The following SYNE2 variants were observed in gnomAD, a reference collection of about 807,000 sequenced individuals.
SYNE2 encodes spectrin repeat containing nuclear envelope protein 2.
In SYNE2, 431 loss-of-function variants were observed where a neutral mutation model predicts 856.3. The ratio of observed to expected loss-of-function variants is 0.50; its 90% CI spans 0.47 to 0.55. The LOEUF (loss-of-function observed/expected upper bound fraction) is 0.55. Among genes scored for constraint, SYNE2 ranks in the 20% least tolerant of loss-of-function variants. SYNE2 has a pLI of 0.00. For synonymous variants in SYNE2, 2,923 were observed against 2,872.3 expected, an observed-to-expected ratio of 1.02 and a Z score of -0.56; for missense variants, 8,129 against 8,023.2, an observed-to-expected ratio of 1.01 and a Z score of -0.50.
intron 1 of SYNE2, among the ~76,000 whole-genome samples, chr14:63,814,422 A>G (rs1360948578): frequency 1.4e-5 from 2 of 146,442 alleles, no homozygotes; most frequent in Non-Finnish European, 3.0e-5. Context: ...TATATAATAT[A>G]TATCCTTATA....
At chr14:64,068,307 C>T (rs752097213) in intron 51 of SYNE2, among the ~76,000 whole-genome samples, 9 of 152,118 alleles carry the variant, frequency 5.9e-5, no homozygotes, top group Non-Finnish European at 1.3e-4. Context: ...AACCTCCAGC[C>T]CCTGGAACCA....
chr14:63,974,532 A>G (rs1170331476), intron 11 of SYNE2, among the ~76,000 whole-genome samples: 1 of 151,844 alleles, frequency 6.6e-6, no homozygotes, highest in African/African-American at 2.4e-5. Flanking sequence ...AAACATTCAA[A>G]CTGTACAGCA....
chr14:63,952,577 G>C (rs1032199390), intron 7 of SYNE2, among the ~76,000 whole-genome samples: 1 of 152,154 alleles, frequency 6.6e-6, no homozygotes, highest in Non-Finnish European at 1.5e-5. Flanking sequence ...TGGTGACTTT[G>C]AACACTTAAT....
intron 74 of SYNE2, 100 bp from the exon 75 acceptor site, chr14:64,129,682 C>A: frequency 1.9e-6 from 3 of 1,547,566 alleles, no homozygotes; most frequent in South Asian, 2.4e-5. Flanking sequence ...TTTGCTTTTC[C>A]CTTCATCCCT....
chr14:64,104,786 G>C (rs565047377), intron 64 of SYNE2, among the ~76,000 whole-genome samples: 1 of 152,224 alleles, frequency 6.6e-6, no homozygotes, highest in East Asian at 1.9e-4. Flanking sequence ...TATTTCCTCT[G>C]AGAGCTTGTG....
At position 64,113,531 on chromosome 14, in the gene SYNE2, A is replaced by T. The variant is rs747854582; in HGVS notation, c.12800A>T (p.Asp4267Val). ...VAVEPETLNA[D>V]MQQVLEQQLV... is the part of the protein sequence containing the mutation. ...GTTGAGCCGGAAACATTAAACGCAG[A>T]CATGCAGCAGGTGCTGGAACAGCAG... The change falls in exon 66 of 116, where the codon GAC becomes GTC. Residue 4267 changes from aspartate (D) to valine (V), a missense_variant. Coordinates refer to ENST00000555002, the MANE Select transcript of SYNE2 (RefSeq NM_182914.3). The T allele has an allele frequency of 6.2e-7, 1 of 1,613,322 alleles. No individual in the cohort carries two copies. Among genetic ancestry groups the T allele is most frequent in the Non-Finnish European group, 8.5e-7 (1 of 1,179,602 alleles).
intron 1 of SYNE2, among the ~76,000 whole-genome samples, chr14:63,789,129 A>AAT (rs1480998854): frequency 6.6e-6 from 1 of 152,188 alleles, no homozygotes; most frequent in Non-Finnish European, 1.5e-5. Flanking sequence ...ACCCTTTGCC[A>AAT]ATTTGTCTAA....
At chr14:63,956,579 C>T (rs2096244336) in intron 8 of SYNE2, 1 of 383,094 alleles carries the variant, frequency 2.6e-6, no homozygotes, top group African/African-American at 2.1e-5. Context: ...ATTCACATAC[C>T]ATATGATGTA....
intron 19 of SYNE2, among the ~76,000 whole-genome samples, chr14:63,988,464 A>G (rs1429160961): frequency 6.6e-6 from 1 of 152,200 alleles, no homozygotes; most frequent in Admixed American, 6.5e-5. Flanking sequence ...TTTATAATTT[A>G]AAAGAGGGAA....
At chr14:63,952,429 T>C (rs545995996) in intron 7 of SYNE2, among the ~76,000 whole-genome samples, 1 of 152,360 alleles carries the variant, frequency 6.6e-6, no homozygotes, top group East Asian at 1.9e-4. Flanking sequence ...ACTTTTGCCA[T>C]TGCATTACAA....
At chr14:63,837,777 A>C (rs752980763) in intron 1 of SYNE2, among the ~76,000 whole-genome samples, 8 of 151,780 alleles carry the variant, frequency 5.3e-5, no homozygotes, top group Non-Finnish European at 1.0e-4. Context: ...AAATTAGCTC[A>C]GTATATTGCC....
chr14:63,883,771 G>A lies in SYNE2; in HGVS notation c.-51-25327G>A, dbSNP rs577277276. 2.2e-4 allele frequency among the ~76,000 whole-genome samples: 34 copies of A among 152,100 alleles called. No homozygotes were observed. In the East Asian group the frequency reaches 6.4e-3, roughly 29 times the overall value. Reference sequence around the variant, plus strand: ...AGGGCTATTTTGAATTTGAATTTGGGAAAAATTGTTCCAGACACAAGCTTG... The same window carrying A: ...AGGGCTATTTTGAATTTGAATTTGGAAAAAATTGTTCCAGACACAAGCTTG... On this transcript the variant is annotated intron_variant, in intron 1 of 115. Coordinates refer to ENST00000555002, the MANE Select transcript of SYNE2 (RefSeq NM_182914.3).
chr14:63,762,879 G>C (rs1363354145), intron 1 of SYNE2, among the ~76,000 whole-genome samples: 1 of 152,096 alleles, frequency 6.6e-6, no homozygotes, highest in Non-Finnish European at 1.5e-5. Flanking sequence ...GGTGAATCCA[G>C]GCAAAGATTA....
intron 1 of SYNE2, among the ~76,000 whole-genome samples, chr14:63,814,869 CATATATATCCATATATATATCCAT>C (rs1158314089): frequency 2.0e-5 from 1 of 49,266 alleles, no homozygotes; most frequent in African/African-American, 5.8e-5. Context: ...TATATCTCTC[CATATATATCCATATATATATCCAT>C]ATATATATCC....
chr14:64,219,097 T>TTTTTTTG (rs2098680549), intron 109 of SYNE2, 111 bp from the exon 110 acceptor site: 2 of 815,064 alleles, frequency 2.5e-6, no homozygotes, highest in Admixed American at 3.1e-5. Context: ...TCCCCTACAG[T>TTTTTTTG]TTTTTTGTTT....
rs754301402 is a variant in SYNE2 at position 63,993,929 on chromosome 14, CTT to C, written c.2743_2744del (p.Leu915ArgfsTer5). Reference sequence around the variant, plus strand: ...AATGTAACTGAGGACATAAAGATGTCTTTAGAAGAAAAGAGTAGAGATGTCTG... The same window carrying C: ...AATGTAACTGAGGACATAAAGATGTCTAGAAGAAAAGAGTAGAGATGTCTG... On this transcript the variant is annotated frameshift_variant, in exon 22 of 116. Coordinates refer to ENST00000555002, the MANE Select transcript of SYNE2 (RefSeq NM_182914.3). LOFTEE classifies it high-confidence loss of function. 6.2e-7 allele frequency: 1 copy of C among 1,613,332 alleles called. No individual in the cohort carries two copies. Among genetic ancestry groups the C allele is most frequent in the Admixed American group, 1.7e-5 (1 of 59,956 alleles).
intron 45 of SYNE2, among the ~76,000 whole-genome samples, chr14:64,038,398 T>G (rs1014011570): frequency 4.4e-4 from 67 of 151,260 alleles, no homozygotes; most frequent in African/African-American, 1.5e-3. Flanking sequence ...TCCCAGACGA[T>G]GGGCGGCCCG....
rs10666086 is a variant in SYNE2, at chr14:63,940,070, A to ATTTTTTTTTTTTTTT, written c.80-540_80-526dup. ...TCAAGGTGGTATAGGGTCTCAGTTC[A>ATTTTTTTTTTTTTTT]TTTTTTTTTTTTTTTTTTCTTTCAT... On this transcript the variant is annotated intron_variant, in intron 2 of 115. Coordinates refer to ENST00000555002, the MANE Select transcript of SYNE2 (RefSeq NM_182914.3). Among the ~76,000 whole-genome samples, 2 of 129,400 alleles carry ATTTTTTTTTTTTTTT rather than the reference A, an allele frequency of 1.5e-5. 1 individual carries two copies. Among genetic ancestry groups the ATTTTTTTTTTTTTTT allele is most frequent in the Non-Finnish European group, 3.2e-5 (2 of 62,952 alleles). The allele number at this position is 129,400 out of a possible 152,430, so 84.9% of individuals were successfully genotyped here.
At chr14:64,127,295 C>A (rs2097956867) in intron 73 of SYNE2, among the ~76,000 whole-genome samples, 1 of 151,794 alleles carries the variant, frequency 6.6e-6, no homozygotes, top group Non-Finnish European at 1.5e-5. Flanking sequence ...AAAGTCTTGA[C>A]CGAGCGTAGT....
Sources: gnomAD v4.1 joint callset for allele counts (sites outside exome capture counted in the v4.1 genomes callset) on GRCh38, gnomAD v4.1.1 for gene constraint, MANE v1.5 for transcripts, NCBI Gene and HGNC (gene_info 2026-07-23, HGNC 2026-07-21) for gene names.